The following CADM1 variants were observed in gnomAD, a reference collection of about 807,000 sequenced individuals.
CADM1 encodes TSLC-1.
CADM1 carries 15 observed loss-of-function variants against 53.1 expected under a neutral mutation model. That is an observed-to-expected ratio of 0.28 (90% CI 0.19 to 0.44). The LOEUF (loss-of-function observed/expected upper bound fraction) is 0.44, where lower values mean the gene tolerates loss of function less well. Ranked by LOEUF, CADM1 falls within the 20% of genes least tolerant of loss-of-function variation. CADM1 has a pLI of 1.00. For missense variants in CADM1, 434 were observed against 611.3 expected (o/e 0.71, Z 3.06); for synonymous variants, 281 against 243.0 (o/e 1.16, Z -1.45).
chr11:115,430,286 T>C (rs1482287699), intron 1 of CADM1, among the ~76,000 whole-genome samples: 2 of 152,204 alleles, frequency 1.3e-5, no homozygotes, highest in Non-Finnish European at 2.9e-5. Flanking sequence ...AACTATCCTA[T>C]AGAGATAGCT....
intron 1 of CADM1, among the ~76,000 whole-genome samples, chr11:115,321,335 G>GCTCA (rs1944820526): frequency 6.6e-6 from 1 of 152,156 alleles, no homozygotes; most frequent in Non-Finnish European, 1.5e-5. Context: ...GAGTAAATAT[G>GCTCA]CTAGTGGTAA....
chr11:115,206,758 C>CTTCTTTTTTTTTTTT (rs1940706440), intron 8 of CADM1, among the ~76,000 whole-genome samples: 9 of 38,230 alleles, frequency 2.4e-4, no homozygotes, highest in African/African-American at 8.7e-4. Flanking sequence ...CTGTGGACTT[C>CTTCTTTTTTTTTTTT]TTTTTTTTTT....
chr11:115,242,556 T>C (rs899180282), intron 1 of CADM1, among the ~76,000 whole-genome samples: 5 of 152,202 alleles, frequency 3.3e-5, no homozygotes, highest in East Asian at 1.9e-4. Flanking sequence ...CAGCCTCAGG[T>C]AATGCGCGAT....
chr11:115,275,868 T>C (rs1943430831), intron 1 of CADM1, among the ~76,000 whole-genome samples: 1 of 152,214 alleles, frequency 6.6e-6, no homozygotes, highest in Non-Finnish European at 1.5e-5. Context: ...AAATTCAAGC[T>C]GGTCCCATTA....
At chr11:115,300,666 C>A (rs527247799) in intron 1 of CADM1, among the ~76,000 whole-genome samples, 1 of 152,108 alleles carries the variant, frequency 6.6e-6, no homozygotes, top group African/African-American at 2.4e-5. Flanking sequence ...TGTACCTTAA[C>A]AGCCTATGTC....
chr11:115,197,231 A>C (rs1342867909), intron 9 of CADM1, among the ~76,000 whole-genome samples: 2 of 152,208 alleles, frequency 1.3e-5, no homozygotes, highest in Non-Finnish European at 2.9e-5. Flanking sequence ...GAGATTTTCC[A>C]ACTGGTGAGT....
chr11:115,305,202 G>C (rs1565354389), intron 1 of CADM1, among the ~76,000 whole-genome samples: 1 of 151,860 alleles, frequency 6.6e-6, no homozygotes, highest in East Asian at 1.9e-4. Flanking sequence ...AGATGATGTT[G>C]AGATAGAAAA....
chr11:115,407,248 TGATA>T (rs1348331848), intron 1 of CADM1, among the ~76,000 whole-genome samples: 1 of 152,184 alleles, frequency 6.6e-6, no homozygotes, highest in Non-Finnish European at 1.5e-5. Flanking sequence ...TGCTATTGGT[TGATA>T]ATGTTAACAA....
chr11:115,492,833 T>A (rs1231055985), intron 1 of CADM1, among the ~76,000 whole-genome samples: 3 of 152,062 alleles, frequency 2.0e-5, no homozygotes, highest in Non-Finnish European at 4.4e-5. Context: ...TAAACATTTT[T>A]AAAATACACT....
chr11:115,441,116 C>A (rs1415923036), intron 1 of CADM1, among the ~76,000 whole-genome samples: 2 of 149,516 alleles, frequency 1.3e-5, no homozygotes, highest in African/African-American at 5.0e-5. Context: ...GGTGTTTTTT[C>A]TTCTGGGAAA....
intron 10 of CADM1, among the ~76,000 whole-genome samples, chr11:115,183,274 G>C (rs1239466881): frequency 6.6e-6 from 1 of 152,136 alleles, no homozygotes; most frequent in Admixed American, 6.5e-5. Flanking sequence ...GCAGCACTCT[G>C]GCAGCCATGC....
intron 1 of CADM1, among the ~76,000 whole-genome samples, chr11:115,364,402 A>G (rs1385089010): frequency 6.6e-6 from 1 of 152,138 alleles, no homozygotes; most frequent in Non-Finnish European, 1.5e-5. Context: ...TTTTTAAGTA[A>G]TCACTTGCTT....
intron 1 of CADM1, among the ~76,000 whole-genome samples, chr11:115,347,166 C>T (rs1945601311): frequency 6.6e-6 from 1 of 152,148 alleles, no homozygotes; most frequent in Admixed American, 6.6e-5. Flanking sequence ...ATCCTCAGGT[C>T]AAAGGTCATG....
intron 1 of CADM1, among the ~76,000 whole-genome samples, chr11:115,384,314 A>T (rs1237490929): frequency 6.6e-6 from 1 of 152,106 alleles, no homozygotes; most frequent in Non-Finnish European, 1.5e-5. Flanking sequence ...AGGATGCTTC[A>T]TCTTCTGCTT....
At chr11:115,182,804 C>A (rs1446043044) in intron 10 of CADM1, among the ~76,000 whole-genome samples, 1 of 152,178 alleles carries the variant, frequency 6.6e-6, no homozygotes, top group Non-Finnish European at 1.5e-5. Flanking sequence ...CATCCCGCAG[C>A]CACTTCCATG....
intron 1 of CADM1, among the ~76,000 whole-genome samples, chr11:115,329,589 G>A (rs897342142): frequency 2.0e-5 from 3 of 152,048 alleles, no homozygotes; most frequent in African/African-American, 7.2e-5. Context: ...TAGCGTCTAG[G>A]GCTGGGTGCC....
chr11:115,257,547 G>A (rs1306662043), intron 1 of CADM1, among the ~76,000 whole-genome samples: 1 of 152,178 alleles, frequency 6.6e-6, no homozygotes, highest in Non-Finnish European at 1.5e-5. Flanking sequence ...GAGCATAGGA[G>A]TTAGTGTATC....
intron 1 of CADM1, among the ~76,000 whole-genome samples, chr11:115,321,541 A>G (rs1349118876): frequency 6.6e-6 from 1 of 152,210 alleles, no homozygotes; most frequent in Non-Finnish European, 1.5e-5. Context: ...ACGAAAGAAT[A>G]CTAGGGTAAT....
chr11:115,194,716 G>A (rs1175121376), intron 9 of CADM1, among the ~76,000 whole-genome samples: 1 of 152,084 alleles, frequency 6.6e-6, no homozygotes, highest in Non-Finnish European at 1.5e-5. Context: ...CTCAAACCCA[G>A]AGGAAGCCAG....
Sources: gnomAD v4.1 joint callset for allele counts (sites outside exome capture counted in the v4.1 genomes callset) on GRCh38, gnomAD v4.1.1 for gene constraint, MANE v1.5 for transcripts, NCBI Gene and HGNC (gene_info 2026-07-23, HGNC 2026-07-21) for gene names.